Variants in SAMD12 observed in about 807,000 individuals in gnomAD.
SAMD12 encodes the protein sterile alpha motif domain-containing protein 12.
SAMD12 carries 9 observed loss-of-function variants against 15.0 expected under a neutral mutation model. That is an observed-to-expected ratio of 0.60 (90% confidence interval 0.36 to 1.05). The LOEUF is 1.05. Ranked by LOEUF, SAMD12 falls within the 50% of genes least tolerant of loss-of-function variation. The probability of loss-of-function intolerance (pLI) is 0.01; values close to 1 mark genes in which losing one functional copy is unlikely to be tolerated. For missense variants in SAMD12, 230 were observed against 234.2 expected, an observed-to-expected ratio of 0.98 and a Z score of 0.12; for synonymous variants, 86 against 90.1, an observed-to-expected ratio of 0.96 and a Z score of 0.25.
chr8:118,215,904 GA>G (rs1429379403), intron 4 of SAMD12, among the ~76,000 whole-genome samples: 1 of 151,208 alleles, frequency 6.6e-6, no homozygotes, highest in African/African-American at 2.4e-5. Flanking sequence ...TTGCTATTGT[GA>G]ATAATGCCGC....
At chr8:118,251,301 G>T (rs1437404124) in intron 4 of SAMD12, among the ~76,000 whole-genome samples, 2 of 152,114 alleles carry the variant, frequency 1.3e-5, no homozygotes, top group African/African-American at 4.8e-5. Flanking sequence ...CTAAGCTTCA[G>T]TCCACACATA....
chr8:118,552,023 T>C (rs1826354395), intron 2 of SAMD12, among the ~76,000 whole-genome samples: 1 of 151,536 alleles, frequency 6.6e-6, no homozygotes, highest in Admixed American at 6.6e-5. Context: ...GCTGAAATTG[T>C]GGCAATAATC....
chr8:118,478,704 T>A (rs957960623), intron 2 of SAMD12, among the ~76,000 whole-genome samples: 3 of 152,186 alleles, frequency 2.0e-5, no homozygotes, highest in African/African-American at 7.2e-5. Context: ...TGCCTCTCTA[T>A]GTCAGTTATG....
intron 2 of SAMD12, among the ~76,000 whole-genome samples, chr8:118,534,433 T>A (rs1825781929): frequency 6.6e-6 from 1 of 152,200 alleles, no homozygotes; most frequent in African/African-American, 2.4e-5. Context: ...GGAGTTGCTC[T>A]TCTCGAGGAG....
intron 4 of SAMD12, among the ~76,000 whole-genome samples, chr8:118,339,283 T>C (rs1295183382): frequency 6.6e-6 from 1 of 152,070 alleles, no homozygotes; most frequent in Non-Finnish European, 1.5e-5. Flanking sequence ...TGAGCTCTGA[T>C]TGTGCCACTG....
intron 3 of SAMD12, among the ~76,000 whole-genome samples, chr8:118,424,990 G>C (rs6999923): frequency 0.06 from 9,070 of 151,172 alleles, 884 homozygotes; most frequent in African/African-American, 0.21. Context: ...CCAGGCTGGA[G>C]GGCAGTGGTG....
intron 2 of SAMD12, among the ~76,000 whole-genome samples, chr8:118,477,937 C>T (rs570176985): frequency 1.3e-5 from 2 of 149,236 alleles, no homozygotes; most frequent in Admixed American, 1.4e-4. Context: ...TGGTGTGAAC[C>T]CAGGAGGTGG....
intron 4 of SAMD12, among the ~76,000 whole-genome samples, chr8:118,348,426 A>G (rs762848496): frequency 6.0e-5 from 9 of 149,858 alleles, no homozygotes; most frequent in Non-Finnish European, 1.2e-4. Context: ...GCTGGAGTGC[A>G]GTGGTGTGAC....
At chr8:118,232,823 A>C (rs1159557000) in intron 4 of SAMD12, among the ~76,000 whole-genome samples, 1 of 152,206 alleles carries the variant, frequency 6.6e-6, no homozygotes, top group Non-Finnish European at 1.5e-5. Context: ...CCAGCCTTGC[A>C]GGATGAAGGC....
intron 3 of SAMD12, among the ~76,000 whole-genome samples, chr8:118,396,919 A>T (rs564873404): frequency 4.2e-4 from 64 of 152,198 alleles, no homozygotes; most frequent in Admixed American, 7.9e-4. Context: ...GGACTTGGTG[A>T]GAAATGAGGT....
intron 4 of SAMD12, among the ~76,000 whole-genome samples, chr8:118,300,580 G>A (rs536500791): frequency 2.2e-4 from 33 of 152,186 alleles, no homozygotes; most frequent in Non-Finnish European, 2.9e-4. Context: ...TCAGTGTGTC[G>A]TCCCACATCA....
Position 118,308,599 on chromosome 8 carries a change from G to C in SAMD12, c.433+70961C>G, listed in dbSNP as rs555158490. ...TCACACAATATTTTCCCAGCTAAAT[G>C]TGTGAGTAAAATTCTTGAAAATAAA... On this transcript the variant is annotated intron_variant, in intron 4 of 4. Transcript: ENST00000409003. Among the ~76,000 whole-genome samples the C allele has an allele frequency of 7.2e-5, 11 of 152,220 alleles. No individual in the cohort carries two copies. The South Asian group carries it at 1.9e-3, about 26-fold the overall frequency.
intron 4 of SAMD12, among the ~76,000 whole-genome samples, chr8:118,312,765 GA>G (rs1156339819): frequency 6.6e-6 from 1 of 152,258 alleles, no homozygotes; most frequent in East Asian, 1.9e-4. Flanking sequence ...TTGAGGTTTA[GA>G]AAGGTTAATA....
At chr8:118,537,153 T>C (rs1346867548) in intron 2 of SAMD12, among the ~76,000 whole-genome samples, 7 of 152,222 alleles carry the variant, frequency 4.6e-5, no homozygotes, top group Non-Finnish European at 1.0e-4. Context: ...TCCAGATACA[T>C]TGAAGCTCCT....
intron 4 of SAMD12, among the ~76,000 whole-genome samples, chr8:118,234,025 T>C (rs1812374096): frequency 1.3e-5 from 2 of 152,192 alleles, no homozygotes; most frequent in South Asian, 4.1e-4. Flanking sequence ...GGCCTCACTT[T>C]GGGAGTAATG....
chr8:118,133,193 T>C, the SAMD12 span, among the ~76,000 whole-genome samples: 1 of 151,664 alleles, frequency 6.6e-6, no homozygotes, highest in East Asian at 1.9e-4. Flanking sequence ...AGTTTTAAAA[T>C]ATGACCATGT....
At chr8:118,205,279 A>G (rs1354269240) in intron 4 of SAMD12, among the ~76,000 whole-genome samples, 2 of 152,228 alleles carry the variant, frequency 1.3e-5, no homozygotes, top group Non-Finnish European at 2.9e-5. Context: ...ATCTCTCTAT[A>G]CATATTTATG....
intron 3 of SAMD12, among the ~76,000 whole-genome samples, chr8:118,422,953 AG>A (rs1246383470): frequency 6.6e-6 from 1 of 152,176 alleles, no homozygotes; most frequent in Non-Finnish European, 1.5e-5. Flanking sequence ...GCCTTGGGAA[AG>A]GGAACATCTT....
chr8:118,196,199 G>A (rs1010707072), exon 5 of SAMD12: 14 of 152,208 alleles, frequency 9.2e-5, no homozygotes, highest in African/African-American at 3.4e-4. Context: ...AGCGGAGGCA[G>A]ACAATGCTTA....
Sources: gnomAD v4.1 joint callset for allele counts (sites outside exome capture counted in the v4.1 genomes callset) on GRCh38, gnomAD v4.1.1 for gene constraint, MANE v1.5 for transcripts, NCBI Gene and HGNC (gene_info 2026-07-23, HGNC 2026-07-21) for gene names.